GFM1: variants seen among roughly 807,000 people sequenced by gnomAD.
GFM1 encodes G elongation factor mitochondrial 1, also known as elongation factor G, mitochondrial.
Under a neutral mutation model 96.2 loss-of-function variants are expected in GFM1, and 62 were observed. The ratio of observed to expected loss-of-function variants is 0.64; its 90% confidence interval spans 0.53 to 0.80. GFM1 has a LOEUF of 0.80. GFM1 is among the 30% of genes least tolerant of loss of function. The pLI is 0.00. For missense variants in GFM1, 852 were observed against 916.6 expected, an observed-to-expected ratio of 0.93 and a Z score of 0.91; for synonymous variants, 282 against 312.9, an observed-to-expected ratio of 0.90 and a Z score of 1.04.
chr3:158,652,150 C>A lies in GFM1; in HGVS notation c.744C>A (p.Asp248Glu). Residue 248 changes from aspartate (D) to glutamate (E), a missense_variant, in exon 6 of 18, where the codon GAC (aspartate) becomes GAA (glutamate). Asp to Glu is a conservative substitution (Grantham distance 45). Transcript: ENST00000486715. ...CTGAATTAAGGGCGGCGGCCACTGA[C>A]CACCGGCAGGAGCTAATTGAATGTG... Reference protein sequence around the residue: ...IPAELRAAATDHRQELIECVA... With the variant: ...IPAELRAAATEHRQELIECVA... The A allele has an allele frequency of 6.2e-7, 1 of 1,613,830 alleles. No individual in the cohort carries two copies. The highest frequency in any genetic ancestry group is 8.5e-7 in the Non-Finnish European group (1 of 1,179,744).
chr3:158,651,127 A>G (rs1722269067), intron 5 of GFM1: 1 of 151,664 alleles, frequency 6.6e-6, no homozygotes, highest in African/African-American at 2.4e-5. Context: ...TTTATTTGTA[A>G]TTTTACCTGT....
intron 10 of GFM1, 26 bp from the exon 11 acceptor site, chr3:158,662,602 C>G: frequency 6.9e-7 from 1 of 1,440,384 alleles, no homozygotes; most frequent in Non-Finnish European, 9.8e-7. Context: ...TTTAATTCTT[C>G]TGTTTTCTTT....
chr3:158,669,941 A>G (rs1341075886), intron 13 of GFM1, among the ~76,000 whole-genome samples: 1 of 152,170 alleles, frequency 6.6e-6, no homozygotes, highest in East Asian at 1.9e-4. Context: ...CCAACTCAAG[A>G]CTGGTTACTT....
At position 158,692,054 on chromosome 3, in the gene GFM1, C is replaced by T. The variant is rs1726367220; in HGVS notation, c.*587C>T. The T allele has an allele frequency of 6.5e-6, 1 of 152,788 alleles. No individual in the cohort carries two copies. Among genetic ancestry groups the T allele is most frequent in the African/African-American group, 2.4e-5 (1 of 41,422 alleles). The allele number at this position is 152,788 out of a possible 1,614,324, so 9.5% of individuals were successfully genotyped here. ...GAGTGTCATTAATGGGCAGGCTTTTCTGTTGAAGAGTGGATTCCGTATGTT... is the reference window on the plus strand; with the variant it reads ...GAGTGTCATTAATGGGCAGGCTTTTTTGTTGAAGAGTGGATTCCGTATGTT... On this transcript the variant is annotated 3_prime_UTR_variant, in exon 18 of 18. Coordinates refer to ENST00000486715, the MANE Select transcript of GFM1 (RefSeq NM_024996.7).
At chr3:158,676,946 C>T (rs967568828) in intron 13 of GFM1, among the ~76,000 whole-genome samples, 27 of 152,252 alleles carry the variant, frequency 1.8e-4, no homozygotes, top group African/African-American at 6.0e-4. Flanking sequence ...GTGATCCACC[C>T]GCCTCGGCTT....
At position 158,686,165 on chromosome 3, in the gene GFM1, TTA is replaced by T. The variant is rs1391075874; in HGVS notation, c.1909+1501_1909+1502del. Among the ~76,000 whole-genome samples, 31 of 148,682 alleles carry T rather than the reference TTA, an allele frequency of 2.1e-4. No individual in the cohort carries two copies. The East Asian group carries it at 5.1e-3, about 24-fold the overall frequency. ...CAGGATATATATAATATGTTATATA[TTA>T]TATGTGTATATATATTTATAGATGT... On this transcript the variant is annotated intron_variant, in intron 15 of 17. Coordinates refer to ENST00000486715, the MANE Select transcript of GFM1 (RefSeq NM_024996.7).
At chr3:158,656,839 G>C (rs905896003) in intron 8 of GFM1, 5 of 152,204 alleles carry the variant, frequency 3.3e-5, no homozygotes, top group African/African-American at 9.7e-5. Context: ...GGAACTCTCA[G>C]TTGGCTCCTG....
chr3:158,663,301 A>C (rs2108045933), intron 11 of GFM1, among the ~76,000 whole-genome samples: 1 of 152,342 alleles, frequency 6.6e-6, no homozygotes, highest in East Asian at 1.9e-4. Context: ...CTGATCTCAA[A>C]CCATAACTTT....
intron 12 of GFM1, 72 bp from the exon 13 acceptor site, chr3:158,666,232 A>G (rs1349483993): frequency 2.0e-6 from 2 of 1,015,344 alleles, no homozygotes; most frequent in South Asian, 2.7e-5. Flanking sequence ...ACTAAGATAT[A>G]TAAGATGCTT....
At chr3:158,649,989 GGTC>G in intron 5 of GFM1, 1 of 1,534,214 alleles carries the variant, frequency 6.5e-7, no homozygotes. Flanking sequence ...TCTGTAGCCT[GGTC>G]GTTTCTCCAC....
intron 13 of GFM1, among the ~76,000 whole-genome samples, chr3:158,668,594 GATGC>G (rs1022443009): frequency 6.6e-6 from 1 of 152,206 alleles, no homozygotes; most frequent in Non-Finnish European, 1.5e-5. Context: ...TGATTACCGT[GATGC>G]TTTTTGAAAG....
intron 15 of GFM1, among the ~76,000 whole-genome samples, chr3:158,689,560 A>G (rs956755790): frequency 3.9e-5 from 6 of 152,118 alleles, no homozygotes; most frequent in African/African-American, 1.2e-4. Flanking sequence ...AGGGACCACA[A>G]GAAAGAATGG....
chr3:158,651,730 AT>A (rs1437992096), intron 5 of GFM1, among the ~76,000 whole-genome samples: 2 of 152,194 alleles, frequency 1.3e-5, no homozygotes, highest in African/African-American at 4.8e-5. Context: ...GTTGCATTAA[AT>A]TGGGAAGATT....
chr3:158,673,881 GT>G (rs1401795653), intron 13 of GFM1, among the ~76,000 whole-genome samples: 2 of 152,004 alleles, frequency 1.3e-5, no homozygotes, highest in African/African-American at 4.8e-5. Flanking sequence ...AGATTCTGCA[GT>G]AAATCTGGAT....
chr3:158,677,008 A>G (rs9812197), intron 13 of GFM1, among the ~76,000 whole-genome samples: 4,780 of 151,912 alleles, frequency 0.031, 227 homozygotes, highest in African/African-American at 0.11. Context: ...CCTCACCTCC[A>G]TTTTTCTAAT....
intron 15 of GFM1, among the ~76,000 whole-genome samples, chr3:158,686,237 GTA>G (rs1725824857): frequency 6.8e-6 from 1 of 146,660 alleles, no homozygotes; most frequent in South Asian, 2.1e-4. Context: ...ATATATATGT[GTA>G]TTATATAATA....
chr3:158,668,804 A>C (rs1170496361), intron 13 of GFM1, among the ~76,000 whole-genome samples: 1 of 152,186 alleles, frequency 6.6e-6, no homozygotes, highest in African/African-American at 2.4e-5. Context: ...TAGACCAGTT[A>C]CTGTTGCTTT....
chr3:158,644,979 G>GT (rs2107998077), intron 1 of GFM1: 30 of 299,668 alleles, frequency 1.0e-4, no homozygotes, highest in Middle Eastern at 9.4e-4. Flanking sequence ...CCTTTTCTAA[G>GT]GTTTTTTTTT....
chr3:158,671,728 C>T (rs1037296008), intron 13 of GFM1, among the ~76,000 whole-genome samples: 5 of 152,156 alleles, frequency 3.3e-5, no homozygotes, highest in African/African-American at 1.2e-4. Context: ...AAACAAACCT[C>T]GTTAGTGATT....
Sources: gnomAD v4.1 joint callset for allele counts (sites outside exome capture counted in the v4.1 genomes callset) on GRCh38, gnomAD v4.1.1 for gene constraint, MANE v1.5 for transcripts, NCBI Gene and HGNC (gene_info 2026-07-23, HGNC 2026-07-21) for gene names.